The following GRIK3 variants were observed in gnomAD, a reference collection of about 807,000 sequenced individuals.
GRIK3 encodes the protein glutamate receptor ionotropic, kainate 3.
Under a neutral mutation model 102.5 loss-of-function variants are expected in GRIK3, and 29 were observed. That is an observed-to-expected ratio of 0.28 (90% CI 0.21 to 0.39). The LOEUF (loss-of-function observed/expected upper bound fraction) is 0.39. Ranked by LOEUF, GRIK3 falls within the 10% of genes least tolerant of loss-of-function variation. The probability of loss-of-function intolerance (pLI) is 1.00; values close to 1 mark genes in which losing one functional copy is unlikely to be tolerated. For missense variants in GRIK3, 908 were observed against 1,252.4 expected, an observed-to-expected ratio of 0.73 and a Z score of 4.15; for synonymous variants, 511 against 504.9, an observed-to-expected ratio of 1.01 and a Z score of -0.16.
At chr1:36,978,742 T>C (rs527877627) in intron 1 of GRIK3, among the ~76,000 whole-genome samples, 1 of 152,182 alleles carries the variant, frequency 6.6e-6, no homozygotes, top group Non-Finnish European at 1.5e-5. Context: ...CTAGTCCATA[T>C]GACAGTAGCA....
At chr1:36,820,127 G>A (rs574265299) in intron 11 of GRIK3, among the ~76,000 whole-genome samples, 1 of 152,268 alleles carries the variant, frequency 6.6e-6, no homozygotes, top group Non-Finnish European at 1.5e-5. Flanking sequence ...CCCAGAAAAA[G>A]CACTCTTACG....
In GRIK3 at chr1:36,817,000, C is replaced by T. The variant is rs527522215; in HGVS notation, c.2091+60G>A. On this transcript the variant is annotated intron_variant, in intron 13 of 15. Coordinates refer to ENST00000373091, the MANE Select transcript of GRIK3 (RefSeq NM_000831.4). ...CAGAGACCCCCTTTCCTCTTCTGCTCAGTAAAGGGTCCGGAGAGGATCAGC... is the reference window on the plus strand; with the variant it reads ...CAGAGACCCCCTTTCCTCTTCTGCTTAGTAAAGGGTCCGGAGAGGATCAGC... The T allele has an allele frequency of 3.0e-4, 354 of 1,184,758 alleles. 4 individuals carry two copies. In the South Asian group the frequency reaches 4.3e-3, roughly 14 times the overall value. 73.4% of individuals were successfully genotyped at this position (1,184,758 alleles called of 1,614,324 possible).
chr1:36,820,226 A>G (rs1387934852), intron 11 of GRIK3, among the ~76,000 whole-genome samples: 1 of 152,244 alleles, frequency 6.6e-6, no homozygotes, highest in Non-Finnish European at 1.5e-5. Flanking sequence ...ATATCCTTCA[A>G]TAAAGGAATG....
At chr1:36,886,263 C>A (rs1438803057) in intron 2 of GRIK3, among the ~76,000 whole-genome samples, 1 of 152,052 alleles carries the variant, frequency 6.6e-6, no homozygotes, top group Non-Finnish European at 1.5e-5. Flanking sequence ...AGGCTTTATG[C>A]CTCTGTGTCC....
chr1:36,954,714 C>T (rs776451784), intron 1 of GRIK3, among the ~76,000 whole-genome samples: 7 of 151,858 alleles, frequency 4.6e-5, no homozygotes, highest in South Asian at 4.2e-4. Context: ...TCCACACACA[C>T]GCAGAGAAGC....
chr1:36,843,910 C>A lies in GRIK3; in HGVS notation c.1327-1971G>T, dbSNP rs60319878. Among the ~76,000 whole-genome samples the A allele has an allele frequency of 1.3e-3, 205 of 152,348 alleles. 3 individuals are homozygous for A. In the East Asian group the frequency reaches 0.032, roughly 24 times the overall value. ...AGGCACATGCTTAACTATGGAGGTG[C>A]CTCATCCTTCACTCAACTGGCGGGG... On this transcript the variant is annotated intron_variant, in intron 9 of 15. Transcript: ENST00000373091.
intron 1 of GRIK3, among the ~76,000 whole-genome samples, chr1:36,981,800 C>T (rs977336146): frequency 6.6e-6 from 1 of 152,214 alleles, no homozygotes; most frequent in South Asian, 2.1e-4. Context: ...CTACTGTGTA[C>T]CAGGCACTGT....
intron 1 of GRIK3, among the ~76,000 whole-genome samples, chr1:36,996,714 T>C (rs1642423039): frequency 6.6e-6 from 1 of 152,170 alleles, no homozygotes; most frequent in Non-Finnish European, 1.5e-5. Flanking sequence ...AACAGCGGTG[T>C]CTCTGTCTGT....
intron 1 of GRIK3, among the ~76,000 whole-genome samples, chr1:37,012,851 G>A (rs1642612558): frequency 6.6e-6 from 1 of 152,208 alleles, no homozygotes; most frequent in African/African-American, 2.4e-5. Flanking sequence ...CCTGCTCACT[G>A]TTGGGAGGAT....
chr1:36,891,084 T>A lies in GRIK3; in HGVS notation c.128A>T (p.Glu43Val). The A allele has an allele frequency of 1.2e-6, 2 of 1,612,126 alleles. No individual in the cohort carries two copies. The highest frequency in any genetic ancestry group is 1.7e-6 in the Non-Finnish European group (2 of 1,178,792). The change falls in exon 2 of 16, where the codon GAG becomes GTG. Residue 43 changes from glutamate to valine, a missense_variant. Around this residue, in one of 3 missense-constraint regions of GRIK3, gnomAD observed 585 missense variants for 824.9 expected, o/e 0.71. Transcript: ENST00000373091. ...CTGGGCGTTGGGGCCGTCCGCATAC[T>A]CGAAGATTCCTCCTGTGAAAGATGA... ...PHVIRIGGIF[E>V]YADGPNAQVM...
In GRIK3 at chr1:36,804,692, T is replaced by A. The variant is rs886895241; in HGVS notation, c.2565+295A>T. On this transcript the variant is annotated intron_variant, in intron 15 of 15. Transcript: ENST00000373091. ...AAGTTTTAAACAAGGTACCAGTTGC[T>A]GTGTGAATTGTGGATGGTGTTGGGG... 5.9e-6 allele frequency: 3 copies of A among 512,288 alleles called. No homozygotes were observed. In the South Asian group the frequency reaches 1.1e-4, roughly 18 times the overall value. 31.7% of individuals were successfully genotyped at this position (512,288 alleles called of 1,614,324 possible). A position where few individuals can be genotyped will look rare whatever the true frequency, so the allele number is the denominator to read the frequency against.
intron 11 of GRIK3, among the ~76,000 whole-genome samples, chr1:36,823,091 C>A (rs551303140): frequency 6.6e-6 from 1 of 152,276 alleles, no homozygotes; most frequent in South Asian, 2.1e-4. Context: ...GTGTCCAGAT[C>A]TCCAGCAGCC....
chr1:36,834,778 T>A (rs1043617397), intron 10 of GRIK3, among the ~76,000 whole-genome samples: 1 of 152,202 alleles, frequency 6.6e-6, no homozygotes, highest in African/African-American at 2.4e-5. Flanking sequence ...GGGTGCTGTC[T>A]GTCCAGGGCT....
At chr1:36,886,257 T>A (rs1035651528) in intron 2 of GRIK3, among the ~76,000 whole-genome samples, 2 of 152,132 alleles carry the variant, frequency 1.3e-5, no homozygotes, top group African/African-American at 4.8e-5. Flanking sequence ...GGTGCCAGGC[T>A]TTATGCCTCT....
At chr1:37,003,056 G>A (rs547651550) in intron 1 of GRIK3, among the ~76,000 whole-genome samples, 22 of 147,686 alleles carry the variant, frequency 1.5e-4, no homozygotes, top group African/African-American at 5.5e-4. Context: ...AGGTACTAGG[G>A]TGACTTTTTC....
At chr1:36,845,485 C>A (rs1046397339) in intron 9 of GRIK3, among the ~76,000 whole-genome samples, 2 of 152,228 alleles carry the variant, frequency 1.3e-5, no homozygotes, top group African/African-American at 2.4e-5. Flanking sequence ...AAGCCTCTCC[C>A]AGTGTGACAG....
At chr1:36,985,672 G>A (rs995263163) in intron 1 of GRIK3, among the ~76,000 whole-genome samples, 3 of 152,138 alleles carry the variant, frequency 2.0e-5, no homozygotes, top group African/African-American at 4.8e-5. Flanking sequence ...CCAGGGATCC[G>A]GACCTTCCTC....
intron 11 of GRIK3, among the ~76,000 whole-genome samples, chr1:36,820,942 G>A (rs1381027113): frequency 1.3e-5 from 2 of 152,152 alleles, no homozygotes; most frequent in African/African-American, 4.8e-5. Context: ...AAAGAAGCTC[G>A]AGAGGTTGGG....
At chr1:36,951,594 T>C (rs768848171) in intron 1 of GRIK3, among the ~76,000 whole-genome samples, 33 of 152,342 alleles carry the variant, frequency 2.2e-4, no homozygotes, top group Non-Finnish European at 3.5e-4. Context: ...GCTGAGGCCC[T>C]GCATTGGGGG....
Sources: gnomAD v4.1 joint callset for allele counts (sites outside exome capture counted in the v4.1 genomes callset) on GRCh38, gnomAD v4.1.1 for gene constraint, gnomAD v4.1.1 regional missense constraint, MANE v1.5 for transcripts, NCBI Gene and HGNC (gene_info 2026-07-23, HGNC 2026-07-21) for gene names.